Variants in DCAF10 observed in about 807,000 individuals in gnomAD.
The protein encoded by DCAF10 is DDB1 and CUL4 associated factor 10, also known as DDB1- and CUL4-associated factor 10.
Under a neutral mutation model 51.9 loss-of-function variants are expected in DCAF10, and 19 were observed. The observed-to-expected ratio is 0.37, with a 90% confidence interval of 0.26 to 0.54. DCAF10 has a LOEUF of 0.54. Ranked by LOEUF, DCAF10 falls within the 20% of genes least tolerant of loss-of-function variation. DCAF10 has a pLI of 0.87. For synonymous variants in DCAF10, 291 were observed against 297.1 expected (o/e 0.98, Z 0.21); for missense variants, 510 against 730.6 (o/e 0.70, Z 3.48).
intron 2 of DCAF10, among the ~76,000 whole-genome samples, chr9:37,839,136 C>T (rs1211202313): frequency 4.6e-5 from 7 of 151,868 alleles, no homozygotes; most frequent in Non-Finnish European, 1.0e-4. Flanking sequence ...CTCACTGCAA[C>T]ATCCGCCTCC....
intron 2 of DCAF10, chr9:37,836,327 A>C: frequency 1.9e-6 from 3 of 1,609,772 alleles, no homozygotes; most frequent in Non-Finnish European, 2.5e-6. Context: ...CACAATTAGA[A>C]CAGTTACCAG....
chr9:37,834,858 G>T (rs140358879), intron 2 of DCAF10, among the ~76,000 whole-genome samples: 1 of 150,792 alleles, frequency 6.6e-6, no homozygotes, highest in East Asian at 1.9e-4. Context: ...GTGCTATCTC[G>T]ACTCACTGCA....
At position 37,800,814 on chromosome 9, in the gene DCAF10, G is replaced by A. The variant is rs1828894413; in HGVS notation, c.-53G>A. 5 of 1,497,830 alleles carry A rather than the reference G, an allele frequency of 3.3e-6. No homozygotes were observed. Among genetic ancestry groups the A allele is most frequent in the Non-Finnish European group, 4.4e-6 (5 of 1,129,242 alleles). 92.8% of individuals were successfully genotyped at this position (1,497,830 alleles called of 1,614,324 possible). A position where few individuals can be genotyped will look rare whatever the true frequency, so the allele number is the denominator to read the frequency against. ...GAAGTGGCAGCTGAACAGGGGCACT[G>A]AGGTGTCGGCCGGCGGGGCAGTGGC... On this transcript the variant is annotated 5_prime_UTR_variant, in exon 1 of 7. Coordinates refer to ENST00000377724, the MANE Select transcript of DCAF10 (RefSeq NM_024345.5).
intron 3 of DCAF10, among the ~76,000 whole-genome samples, chr9:37,854,522 T>G (rs1239671927): frequency 6.6e-6 from 1 of 152,220 alleles, no homozygotes; most frequent in African/African-American, 2.4e-5. Context: ...GCACTTATCA[T>G]TCCTTTGTGG....
intron 1 of DCAF10, among the ~76,000 whole-genome samples, chr9:37,816,095 A>G (rs1829520437): frequency 6.6e-6 from 1 of 152,010 alleles, no homozygotes. Flanking sequence ...TGTCCAGCAT[A>G]AGCAAAAATT....
chr9:37,802,243 A>G (rs986965021), intron 1 of DCAF10, among the ~76,000 whole-genome samples: 1 of 152,252 alleles, frequency 6.6e-6, no homozygotes, highest in Non-Finnish European at 1.5e-5. Context: ...AACCATGCTG[A>G]GCAAAACCAG....
intron 2 of DCAF10, chr9:37,835,911 C>G: frequency 8.4e-7 from 1 of 1,183,716 alleles, no homozygotes; most frequent in Admixed American, 1.7e-5. Context: ...AAAACTGTAC[C>G]CACTTCATAT....
Position 37,822,080 on chromosome 9 carries a change from C to T in DCAF10, c.653+2679C>T, listed in dbSNP as rs1304531268. Among the ~76,000 whole-genome samples the T allele has an allele frequency of 2.6e-5, 4 of 152,082 alleles. 1 individual carries two copies. The East Asian group carries it at 7.7e-4, about 29-fold the overall frequency. ...AACCATAATGCGATACCGCCTTACT[C>T]CTGTAAGAATGGCCATAATCAAAAA... On this transcript the variant is annotated intron_variant, in intron 2 of 6. Coordinates refer to ENST00000377724, the MANE Select transcript of DCAF10 (RefSeq NM_024345.5).
chr9:37,831,513 T>A (rs1395311250), intron 2 of DCAF10, among the ~76,000 whole-genome samples: 1 of 152,234 alleles, frequency 6.6e-6, no homozygotes, highest in Non-Finnish European at 1.5e-5. Context: ...CACCTCACTG[T>A]ACTGTTCAGA....
chr9:37,846,062 TA>T (rs1199814142), intron 3 of DCAF10, among the ~76,000 whole-genome samples: 13 of 150,386 alleles, frequency 8.6e-5, no homozygotes, highest in African/African-American at 2.0e-4. Flanking sequence ...AAGATAATAT[TA>T]AAAAAAAAGA....
intron 1 of DCAF10, among the ~76,000 whole-genome samples, chr9:37,814,496 T>C (rs1829471123): frequency 6.7e-6 from 1 of 150,060 alleles, no homozygotes; most frequent in South Asian, 2.1e-4. Flanking sequence ...GCCAGGCTGA[T>C]CTCAAATTCC....
At chr9:37,819,178 C>CAAA in intron 1 of DCAF10, 110 bp from the exon 2 acceptor site, 1 of 642,636 alleles carries the variant, frequency 1.6e-6, no homozygotes, top group Non-Finnish European at 2.5e-6. Flanking sequence ...CTAACATGGG[C>CAAA]AAAAAAAAAA....
At position 37,863,200 on chromosome 9, in the gene DCAF10, C is replaced by T. The variant is rs1019679943; in HGVS notation, c.*1692C>T. The T allele has an allele frequency of 2.0e-5, 3 of 151,708 alleles. No homozygotes were observed. The highest frequency in any genetic ancestry group is 7.3e-5 in the African/African-American group (3 of 41,234). The allele number at this position is 151,708 out of a possible 1,614,324, so 9.4% of individuals were successfully genotyped here. A position where few individuals can be genotyped will look rare whatever the true frequency, so the allele number is the denominator to read the frequency against. ...AATTAGCCGGGCGTGGTGGTGCTCA[C>T]CTGTAATCCCAGCTACCCAGGAGGC... is the stretch of plus-strand genomic sequence containing the variant. On this transcript the variant is annotated 3_prime_UTR_variant, in exon 7 of 7. Coordinates refer to ENST00000377724, the MANE Select transcript of DCAF10 (RefSeq NM_024345.5).
At chr9:37,844,372 C>T (rs1830417524) in intron 3 of DCAF10, among the ~76,000 whole-genome samples, 1 of 151,980 alleles carries the variant, frequency 6.6e-6, no homozygotes, top group African/African-American at 2.4e-5. Flanking sequence ...AAAATTAGGC[C>T]ACGTGTGGTG....
chr9:37,836,031 C>A (rs1429781510), intron 2 of DCAF10: 3 of 1,055,608 alleles, frequency 2.8e-6, no homozygotes, highest in Non-Finnish European at 4.5e-6. Flanking sequence ...CAAACGCCGT[C>A]CGCGCCGCCA....
chr9:37,855,393 C>A (rs1366767953), intron 4 of DCAF10, among the ~76,000 whole-genome samples: 2 of 152,120 alleles, frequency 1.3e-5, no homozygotes, highest in Non-Finnish European at 2.9e-5. Context: ...TTATCTGTAT[C>A]CTAGACTTAC....
In DCAF10 at chr9:37,861,714, C is replaced by T. The variant is rs1030924225; in HGVS notation, c.*206C>T. On this transcript the variant is annotated 3_prime_UTR_variant, in exon 7 of 7. Transcript: ENST00000377724. This position sits in a 1 kb window ranked among gnomAD's most constrained non-coding sequence, Gnocchi z 4.9. The stretch of plus-strand genomic sequence containing the variant: ...CAAGTTAGACTCTATGCAGCATCAT[C>T]TTTTGCAGCATTCCTCTGCTCCTGC... 1 of 602,212 alleles carries T rather than the reference C, an allele frequency of 1.7e-6. No homozygotes were observed. Among genetic ancestry groups the T allele is most frequent in the African/African-American group, 1.8e-5 (1 of 54,340 alleles). 37.3% of individuals were successfully genotyped at this position (602,212 alleles called of 1,614,324 possible). A position where few individuals can be genotyped will look rare whatever the true frequency, so the allele number is the denominator to read the frequency against.
intron 1 of DCAF10, among the ~76,000 whole-genome samples, chr9:37,812,211 C>T (rs1829369656): frequency 1.3e-5 from 2 of 151,940 alleles, no homozygotes; most frequent in South Asian, 4.1e-4. Context: ...AAAAAACCTT[C>T]CAACTGCTTT....
intron 2 of DCAF10, 39 bp downstream of exon 2, chr9:37,819,440 G>A (rs758384818): frequency 4.7e-6 from 7 of 1,487,250 alleles, no homozygotes; most frequent in South Asian, 1.2e-5. Context: ...TATCAGTGTG[G>A]CCCAAAATGT....
Sources: gnomAD v4.1 joint callset for allele counts (sites outside exome capture counted in the v4.1 genomes callset) on GRCh38, gnomAD v4.1.1 for gene constraint, Gnocchi (gnomAD v3.1) non-coding constraint, MANE v1.5 for transcripts, NCBI Gene and HGNC (gene_info 2026-07-23, HGNC 2026-07-21) for gene names.